Variants in PAG1 observed in about 807,000 individuals in gnomAD.
The protein encoded by PAG1 is phosphoprotein membrane anchor with glycosphingolipid microdomains 1, also known as phosphoprotein associated with glycosphingolipid-enriched microdomains 1.
A neutral mutation model predicts 31.7 loss-of-function variants in PAG1; 23 were observed. That is an observed-to-expected ratio of 0.73 (90% confidence interval 0.52 to 1.03). PAG1 has a LOEUF of 1.03. PAG1 is among the 50% of genes least tolerant of loss of function. PAG1 has a pLI of 0.00. For missense variants in PAG1, 473 were observed against 540.7 expected (o/e 0.87, Z 1.24); for synonymous variants, 214 against 210.3 (o/e 1.02, Z -0.15).
chr8:80,991,402 T>C (rs2130491465), intron 5 of PAG1, 77 bp downstream of exon 5: 2 of 1,150,724 alleles, frequency 1.7e-6, no homozygotes, highest in African/African-American at 1.5e-5. Context: ...TGTGAGCACA[T>C]GGGAGCACAC....
intron 2 of PAG1, among the ~76,000 whole-genome samples, chr8:81,069,057 G>A (rs1809053675): frequency 6.6e-6 from 1 of 152,188 alleles, no homozygotes; most frequent in Admixed American, 6.5e-5. Flanking sequence ...ATAATCAAAG[G>A]TCTTAATGCA....
chr8:81,068,929 G>GTGTGTAAGGCGAGC (rs1178226466), intron 2 of PAG1, among the ~76,000 whole-genome samples: 1 of 152,216 alleles, frequency 6.6e-6, no homozygotes, highest in Non-Finnish European at 1.5e-5. Flanking sequence ...AGGCCATAAT[G>GTGTGTAAGGCGAGC]TGTGTAAGGC....
At chr8:81,007,636 CAAAAAAAAAAAAA>C (rs58612249) in intron 3 of PAG1, among the ~76,000 whole-genome samples, 1 of 49,720 alleles carries the variant, frequency 2.0e-5, no homozygotes, top group African/African-American at 8.5e-5. Context: ...GACTCTGTCT[CAAAAAAAAAAAAA>C]AAAAAAAAAA....
At chr8:81,069,179 C>T (rs1809055712) in intron 2 of PAG1, among the ~76,000 whole-genome samples, 1 of 152,192 alleles carries the variant, frequency 6.6e-6, no homozygotes, top group Non-Finnish European at 1.5e-5. Context: ...CCTGAAATAG[C>T]TCCCTGCTCT....
chr8:81,099,124 G>A (rs1163782989), intron 1 of PAG1, among the ~76,000 whole-genome samples: 1 of 152,070 alleles, frequency 6.6e-6, no homozygotes, highest in Non-Finnish European at 1.5e-5. Context: ...GATCCCATGG[G>A]GGTATTACAT....
rs1183052356 is a variant in PAG1, at chr8:81,030,080, C to G, written c.-165G>C. On this transcript the variant is annotated 5_prime_UTR_variant, in exon 3 of 9. Coordinates refer to ENST00000220597, the MANE Select transcript of PAG1 (RefSeq NM_018440.4). Reference sequence around the variant, plus strand: ...AATGTTGTGGTGAGAGTTCTCTCTTCTTTCTTGGCCTATAGCCAAAGAGAA... The same window carrying G: ...AATGTTGTGGTGAGAGTTCTCTCTTGTTTCTTGGCCTATAGCCAAAGAGAA... 1 of 152,188 alleles carries G rather than the reference C, an allele frequency of 6.6e-6. No individual in the cohort carries two copies. Among genetic ancestry groups the G allele is most frequent in the African/African-American group, 2.4e-5 (1 of 41,436 alleles). 9.4% of individuals were successfully genotyped at this position (152,188 alleles called of 1,614,324 possible).
At chr8:81,067,430 G>C (rs1054312198) in intron 2 of PAG1, 2 of 152,172 alleles carry the variant, frequency 1.3e-5, no homozygotes, top group South Asian at 4.1e-4. Context: ...GTTGACTACT[G>C]GCCTAGAGAT....
At chr8:81,047,020 GT>G (rs1237988545) in intron 2 of PAG1, among the ~76,000 whole-genome samples, 1 of 152,106 alleles carries the variant, frequency 6.6e-6, no homozygotes, top group Non-Finnish European at 1.5e-5. Flanking sequence ...CAAAAGACAT[GT>G]TTTCATTCAT....
chr8:81,064,037 TGGAA>T (rs573884234), intron 2 of PAG1, among the ~76,000 whole-genome samples: 13,526 of 152,136 alleles, frequency 0.089, 2,077 homozygotes, highest in African/African-American at 0.31. Flanking sequence ...AGAGCATTCC[TGGAA>T]CTGTTAATAA....
chr8:80,977,268 CT>C (rs1807205432), intron 8 of PAG1, among the ~76,000 whole-genome samples: 1 of 152,146 alleles, frequency 6.6e-6, no homozygotes, highest in Non-Finnish European at 1.5e-5. Flanking sequence ...TGAAAAGGGG[CT>C]CCACTGCTTT....
chr8:81,041,835 A>G (rs1241160150), intron 2 of PAG1, among the ~76,000 whole-genome samples: 2 of 152,164 alleles, frequency 1.3e-5, no homozygotes, highest in Non-Finnish European at 2.9e-5. Context: ...TCAAAATCTC[A>G]TTTCTTTGGC....
At chr8:81,069,366 G>T (rs1386472703) in intron 2 of PAG1, among the ~76,000 whole-genome samples, 2 of 152,200 alleles carry the variant, frequency 1.3e-5, no homozygotes, top group African/African-American at 4.8e-5. Context: ...GATTTAAAAT[G>T]AATATGAGTC....
At chr8:81,012,132 A>G (rs149144723) in intron 3 of PAG1, among the ~76,000 whole-genome samples, 50 of 152,224 alleles carry the variant, frequency 3.3e-4, no homozygotes, top group Admixed American at 1.1e-3. Context: ...ATGTTAGTGG[A>G]CTCATTATAG....
chr8:80,989,921 C>A (rs1175330823), intron 5 of PAG1, among the ~76,000 whole-genome samples: 2 of 152,136 alleles, frequency 1.3e-5, no homozygotes, highest in African/African-American at 4.8e-5. Flanking sequence ...GCGGTGGGAG[C>A]CCTTCCCCAG....
At chr8:81,052,765 C>T (rs546159294) in intron 2 of PAG1, among the ~76,000 whole-genome samples, 85 of 152,302 alleles carry the variant, frequency 5.6e-4, no homozygotes, top group African/African-American at 2.0e-3. Context: ...AATGTCTTTG[C>T]TCAGAGGATT....
chr8:80,988,815 A>C (rs985532874), intron 5 of PAG1, among the ~76,000 whole-genome samples: 6 of 152,190 alleles, frequency 3.9e-5, no homozygotes, highest in Non-Finnish European at 7.3e-5. Context: ...TGGCATCAAT[A>C]GTTGGTTTTC....
At chr8:80,980,636 C>T (rs1027377519) in intron 7 of PAG1, 142 bp from the exon 8 acceptor site, 3 of 618,930 alleles carry the variant, frequency 4.8e-6, no homozygotes, top group Non-Finnish European at 8.7e-6. Flanking sequence ...GGAAGAGAAA[C>T]ACTTATGCAA....
intron 3 of PAG1, among the ~76,000 whole-genome samples, chr8:80,998,908 A>G (rs570686206): frequency 6.6e-6 from 1 of 152,298 alleles, no homozygotes; most frequent in African/African-American, 2.4e-5. Context: ...CAAGGGCCCA[A>G]TCCCAGTGGG....
chr8:80,997,520 G>A (rs1807704396), intron 3 of PAG1, among the ~76,000 whole-genome samples: 2 of 152,154 alleles, frequency 1.3e-5, no homozygotes, highest in Admixed American at 1.3e-4. Context: ...CTCCCAAAGT[G>A]CTGGAGTTAC....
Sources: gnomAD v4.1 joint callset for allele counts (sites outside exome capture counted in the v4.1 genomes callset) on GRCh38, gnomAD v4.1.1 for gene constraint, MANE v1.5 for transcripts, NCBI Gene and HGNC (gene_info 2026-07-23, HGNC 2026-07-21) for gene names.